EFCAB3: variants seen among roughly 807,000 people sequenced by gnomAD.
EFCAB3 encodes the protein EF-hand calcium binding domain 3.
In EFCAB3, 36 loss-of-function variants were observed where a neutral mutation model predicts 42.2. The ratio of observed to expected loss-of-function variants is 0.85; its 90% CI spans 0.65 to 1.13. The LOEUF (loss-of-function observed/expected upper bound fraction) is 1.13, where lower values mean the gene tolerates loss of function less well. EFCAB3 is among the 50% of genes most tolerant of loss of function. The pLI, the probability that EFCAB3 is intolerant of heterozygous loss-of-function variation, is 0.00. For synonymous variants in EFCAB3, 170 were observed against 172.8 expected (o/e 0.98, Z 0.13); for missense variants, 418 against 505.1 (o/e 0.83, Z 1.65).
Position 62,416,275 on chromosome 17 carries a change from C to T in EFCAB3, c.1263C>T (p.Tyr421=). The change falls in exon 10 of 10, where the codon TAC becomes TAT. Residue 421 remains tyrosine, a synonymous_variant. Transcript: ENST00000305286. The part of the protein sequence containing the change: ...SSSSSDTSEC[Y]TDSGRKRKRK... ...CCTCATCAGATACCAGTGAATGTTA[C>T]ACAGACTCAGGAAGAAAAAGAAAAC... The T allele has an allele frequency of 6.2e-7, 1 of 1,613,544 alleles. No homozygotes were observed. Among genetic ancestry groups the T allele is most frequent in the Non-Finnish European group, 8.5e-7 (1 of 1,179,788 alleles).
chr17:62,383,689 T>G (rs1173524526), intron 2 of EFCAB3, among the ~76,000 whole-genome samples: 1 of 152,166 alleles, frequency 6.6e-6, no homozygotes. Flanking sequence ...TGTTTTTATG[T>G]TAGGATACAA....
chr17:62,377,518 G>A (rs1007892872), upstream of EFCAB3, among the ~76,000 whole-genome samples: 10 of 152,172 alleles, frequency 6.6e-5, no homozygotes, highest in African/African-American at 2.2e-4. Flanking sequence ...GGGGTGGGGT[G>A]AAGGGAGATT....
intron 6 of EFCAB3, among the ~76,000 whole-genome samples, chr17:62,400,473 G>T (rs963467786): frequency 1.3e-5 from 2 of 152,136 alleles, no homozygotes; most frequent in Non-Finnish European, 2.9e-5. Flanking sequence ...GTGAGAACAT[G>T]CGGTGTTTGG....
At chr17:62,392,409 G>A (rs2070311333) in intron 4 of EFCAB3, among the ~76,000 whole-genome samples, 1 of 151,948 alleles carries the variant, frequency 6.6e-6, no homozygotes, top group Admixed American at 6.6e-5. Flanking sequence ...GAAAAACACT[G>A]TGTGGAAGCT....
At chr17:62,384,185 T>C (rs2070228373) in intron 2 of EFCAB3, among the ~76,000 whole-genome samples, 1 of 152,192 alleles carries the variant, frequency 6.6e-6, no homozygotes, top group African/African-American at 2.4e-5. Flanking sequence ...TAAAGGGAAT[T>C]CCTACATTAG....
At chr17:62,371,425 G>T (rs1379000724) in intron 1 of EFCAB3, among the ~76,000 whole-genome samples, 1 of 152,048 alleles carries the variant, frequency 6.6e-6, no homozygotes, top group East Asian at 1.9e-4. Flanking sequence ...GGGCTTGGTG[G>T]CACACGTCTG....
At chr17:62,408,878 T>G (rs2070470407) in intron 8 of EFCAB3, among the ~76,000 whole-genome samples, 1 of 152,202 alleles carries the variant, frequency 6.6e-6, no homozygotes. Context: ...GCTCTAATGT[T>G]GTTCCTCAGA....
At position 62,416,326 on chromosome 17, in the gene EFCAB3, A is replaced by G. The variant is rs1320409155; in HGVS notation, c.1314A>G (p.Gln438=). Residue 438 remains glutamine, a synonymous_variant, in exon 10 of 10, where the codon CAA becomes CAG. Transcript: ENST00000305286. Reference sequence around the variant, plus strand: ...GGAAAGGTTTAAAGGGATTTCAACAATGAAATTTCTACATTTTCTAAACAG... The same window carrying G: ...GGAAAGGTTTAAAGGGATTTCAACAGTGAAATTTCTACATTTTCTAAACAG... The part of the protein sequence containing the change: ...RKRKGLKGFQ[Q] 6.4e-7 allele frequency: 1 copy of G among 1,574,422 alleles called. No homozygotes were observed. Among genetic ancestry groups the G allele is most frequent in the Admixed American group, 2.0e-5 (1 of 50,626 alleles).
At chr17:62,398,484 T>A (rs1043107151) in intron 6 of EFCAB3, among the ~76,000 whole-genome samples, 1 of 116,998 alleles carries the variant, frequency 8.5e-6, no homozygotes, top group Non-Finnish European at 1.7e-5. Flanking sequence ...ACTGTAGTGA[T>A]AAATTTTTAT....
chr17:62,381,399 T>A (rs769425280), intron 1 of EFCAB3, among the ~76,000 whole-genome samples: 5 of 151,982 alleles, frequency 3.3e-5, no homozygotes, highest in Non-Finnish European at 5.9e-5. Flanking sequence ...AGTCTATCAT[T>A]GTTGGACATT....
At chr17:62,405,306 C>T (rs901259642) in intron 6 of EFCAB3, among the ~76,000 whole-genome samples, 1 of 152,222 alleles carries the variant, frequency 6.6e-6, no homozygotes, top group Non-Finnish European at 1.5e-5. Context: ...ACCATAGGCA[C>T]ATTTCCTACC....
chr17:62,415,109 C>CA (rs761576849), intron 9 of EFCAB3, among the ~76,000 whole-genome samples: 4,167 of 140,978 alleles, frequency 0.03, 135 homozygotes, highest in African/African-American at 0.079. Context: ...GTCTCAAAAA[C>CA]AAAAAAAAAC....
intron 6 of EFCAB3, among the ~76,000 whole-genome samples, chr17:62,395,867 T>C (rs1286751324): frequency 6.6e-6 from 1 of 152,070 alleles, no homozygotes; most frequent in Non-Finnish European, 1.5e-5. Flanking sequence ...AGCATTCCAG[T>C]CTCCCACCTA....
At chr17:62,375,302 A>T (rs1014430307) in intron 2 of EFCAB3, among the ~76,000 whole-genome samples, 1 of 152,144 alleles carries the variant, frequency 6.6e-6, no homozygotes, top group African/African-American at 2.4e-5. Context: ...AGTCTATCCC[A>T]TCTATTGCTG....
chr17:62,411,715 C>T (rs113367069), intron 8 of EFCAB3, among the ~76,000 whole-genome samples: 5,138 of 149,150 alleles, frequency 0.034, 131 homozygotes, highest in Non-Finnish European at 0.05. Flanking sequence ...TGCAGTGAGC[C>T]GAGATTTGCA....
intron 7 of EFCAB3, 33 bp downstream of exon 7, chr17:62,406,706 A>G (rs1313075151): frequency 6.2e-7 from 1 of 1,608,754 alleles, no homozygotes; most frequent in Non-Finnish European, 8.5e-7. Context: ...CTACTGTTGT[A>G]AAGGATTTAT....
upstream of EFCAB3, among the ~76,000 whole-genome samples, chr17:62,379,194 G>T (rs946675070): frequency 5.9e-5 from 9 of 152,090 alleles, no homozygotes; most frequent in Non-Finnish European, 1.2e-4. Context: ...AGGCCAAGGA[G>T]ATTGCTGGGG....
chr17:62,413,971 C>G, intron 9 of EFCAB3, 117 bp downstream of exon 9: 2 of 1,195,502 alleles, frequency 1.7e-6, no homozygotes, highest in South Asian at 4.0e-5. Flanking sequence ...TAAAATGAGA[C>G]AAGGTTGTTT....
At chr17:62,373,667 A>G in intron 1 of EFCAB3, 5 of 596,344 alleles carry the variant, frequency 8.4e-6, no homozygotes, top group South Asian at 7.9e-5. Flanking sequence ...TGACAGAAAA[A>G]TGAATCCAAA....
Sources: gnomAD v4.1 joint callset for allele counts (sites outside exome capture counted in the v4.1 genomes callset) on GRCh38, gnomAD v4.1.1 for gene constraint, MANE v1.5 for transcripts, NCBI Gene and HGNC (gene_info 2026-07-23, HGNC 2026-07-21) for gene names.